Variants in NTN5 observed in about 807,000 individuals in gnomAD.
NTN5 encodes the protein netrin-5.
Under a neutral mutation model 38.7 loss-of-function variants are expected in NTN5, and 42 were observed. The ratio of observed to expected loss-of-function variants is 1.08; its 90% CI spans 0.85 to 1.40. NTN5 has a LOEUF of 1.40. NTN5 is among the 40% of genes most tolerant of loss of function. The pLI, the probability that NTN5 is intolerant of heterozygous loss-of-function variation, is 0.00. For synonymous variants in NTN5, 329 were observed against 303.9 expected (o/e 1.08, Z -0.86); for missense variants, 658 against 716.5 (o/e 0.92, Z 0.93).
intron 2 of NTN5, chr19:48,667,345 C>T (rs751536990): frequency 1.5e-4 from 53 of 365,056 alleles, no homozygotes; most frequent in South Asian, 4.1e-4. Flanking sequence ...GTCTCTTACC[C>T]GGGTTTGGAG....
chr19:48,667,313 T>C, intron 2 of NTN5: 1 of 300,988 alleles, frequency 3.3e-6, no homozygotes, highest in Non-Finnish European at 7.1e-6. Flanking sequence ...CACCCTGACC[T>C]TTCTCCACTG....
Position 48,672,948 on chromosome 19 carries a change from AGC to A in NTN5, c.-39_-38del, listed in dbSNP as rs1240539495. 1.7e-5 allele frequency: 5 copies of A among 289,610 alleles called. No homozygotes were observed. The highest frequency in any genetic ancestry group is 1.1e-4 in the African/African-American group (5 of 44,410). The allele number at this position is 289,610 out of a possible 1,614,324, so 17.9% of individuals were successfully genotyped here. A position where few individuals can be genotyped will look rare whatever the true frequency, so the allele number is the denominator to read the frequency against. On this transcript the variant is annotated 5_prime_UTR_variant, in exon 1 of 7. Transcript: ENST00000270235. ...TGGCCAAACCTGCACTCAAGAAGAG[AGC>A]GTCCTGCAGCCAGTTCCCCGCAGGC... is the stretch of plus-strand genomic sequence containing the variant.
At chr19:48,671,960 G>A (rs1028155085) in intron 1 of NTN5, among the ~76,000 whole-genome samples, 4 of 152,108 alleles carry the variant, frequency 2.6e-5, no homozygotes, top group African/African-American at 9.7e-5. Flanking sequence ...ATCCCCATGG[G>A]GTCAGGGGAA....
chr19:48,671,354 G>A (rs1268973751), intron 1 of NTN5, among the ~76,000 whole-genome samples: 1 of 151,776 alleles, frequency 6.6e-6, no homozygotes, highest in African/African-American at 2.4e-5. Context: ...GGGACACAGA[G>A]ACAAGCAGGG....
chr19:48,667,832 G>A (rs1044544198), intron 2 of NTN5, among the ~76,000 whole-genome samples: 30 of 152,072 alleles, frequency 2.0e-4, no homozygotes, highest in African/African-American at 7.0e-4. Flanking sequence ...CTCCAGCCTG[G>A]GTGACAGAGC....
At chr19:48,669,586 G>GCCACC (rs2031850168) in intron 2 of NTN5, among the ~76,000 whole-genome samples, 1 of 2,868 alleles carries the variant, frequency 3.5e-4, no homozygotes, top group Non-Finnish European at 6.2e-4. Flanking sequence ...TCACCACCAC[G>GCCACC]ACCACCATCA....
At chr19:48,663,606 G>T in intron 5 of NTN5, 63 bp from the exon 6 acceptor site, 1 of 1,562,014 alleles carries the variant, frequency 6.4e-7, no homozygotes, top group South Asian at 1.1e-5. Flanking sequence ...TTCTGCCCCT[G>T]CCCATCCCTC....
Position 48,661,929 on chromosome 19 carries a change from G to A in NTN5, c.1218C>T (p.Asp406=). 7.3e-7 allele frequency: 1 copy of A among 1,368,296 alleles called. No homozygotes were observed. The highest frequency in any genetic ancestry group is 1.6e-5 in the African/African-American group (1 of 64,314). The allele number at this position is 1,368,296 out of a possible 1,614,324, so 84.8% of individuals were successfully genotyped here. The change falls in exon 7 of 7, where the codon GAC becomes GAT. Residue 406 remains aspartate (D), a synonymous_variant. Coordinates refer to ENST00000270235, the MANE Select transcript of NTN5 (RefSeq NM_145807.4). ...CGGCGCGGGGCACCCAGGCGTCCTG[G>A]TCGCCGCGTCGCACGGGCTGCGCCC... ...KQRAQPVRRG[D]QDAWVPRADL... is the part of the protein sequence containing the mutation.
chr19:48,668,254 C>T (rs1268689029), intron 2 of NTN5, among the ~76,000 whole-genome samples: 1 of 152,178 alleles, frequency 6.6e-6, no homozygotes, highest in Non-Finnish European at 1.5e-5. Flanking sequence ...AGTGACCTCT[C>T]TTTGAGCCTC....
rs1274897457 is a variant in NTN5 at position 48,661,891 on chromosome 19, C to A, written c.1256G>T (p.Gly419Val). The change falls in exon 7 of 7, where the codon GGC becomes GTC. Residue 419 changes from glycine to valine, a missense_variant. Physicochemically the swap from Gly to Val is moderately radical, Grantham distance 109. Coordinates refer to ENST00000270235, the MANE Select transcript of NTN5 (RefSeq NM_145807.4). ...GGTGCCTGGCTGCAGGCGCAGGCAG[C>A]CGCAGGTCAGGTCGGCGCGGGGCAC... ...AWVPRADLTC[G>V]CLRLQPGTDY... 1 of 1,352,232 alleles carries A rather than the reference C, an allele frequency of 7.4e-7. No homozygotes were observed. Among genetic ancestry groups the A allele is most frequent in the South Asian group, 1.5e-5 (1 of 64,882 alleles). The allele number at this position is 1,352,232 out of a possible 1,614,324, so 83.8% of individuals were successfully genotyped here.
chr19:48,669,700 T>TCAC lies in NTN5; in HGVS notation c.631+653_631+655dup, dbSNP rs1568452431. Among the ~76,000 whole-genome samples the TCAC allele has an allele frequency of 2.3e-3, 97 of 43,040 alleles. 7 individuals are homozygous for TCAC. Among genetic ancestry groups the TCAC allele is most frequent in the Admixed American group, 0.02 (89 of 4,522 alleles). The allele number at this position is 43,040 out of a possible 152,430, so 28.2% of individuals were successfully genotyped here. A position where few individuals can be genotyped will look rare whatever the true frequency, so the allele number is the denominator to read the frequency against. ...ATCACCACCATCACCACCACCATCATCACCATCACCACCATCACCACCACC... is the reference window on the plus strand; with the variant it reads ...ATCACCACCATCACCACCACCATCATCACCACCATCACCACCATCACCACCACC... On this transcript the variant is annotated intron_variant, in intron 2 of 6. Coordinates refer to ENST00000270235, the MANE Select transcript of NTN5 (RefSeq NM_145807.4).
chr19:48,663,371 T>G, intron 6 of NTN5, 92 bp downstream of exon 6: 33 of 1,091,034 alleles, frequency 3.0e-5, no homozygotes, highest in Non-Finnish European at 4.1e-5. Context: ...CCATTTAAGA[T>G]GAGAAAGTGG....
rs371203167 is a variant in NTN5, at chr19:48,670,927, G to A, written c.60C>T (p.Tyr20=). The A allele has an allele frequency of 8.9e-5, 142 of 1,591,950 alleles. No individual in the cohort carries two copies. Among genetic ancestry groups the A allele is most frequent in the Admixed American group, 1.9e-4 (11 of 58,288 alleles). ...LLGQATADPC[Y]DPQGRPQFCL... is the part of the protein sequence containing the mutation. ...AGAATTGGGGGCGGCCCTGTGGATC[G>A]TAGCATGGGTCCGCAGTGGCCTGGC... The change falls in exon 2 of 7, where the codon TAC becomes TAT. Residue 20 remains tyrosine (Y), a synonymous_variant. Coordinates refer to ENST00000270235, the MANE Select transcript of NTN5 (RefSeq NM_145807.4).
intron 2 of NTN5, 75 bp from the exon 3 acceptor site, chr19:48,664,842 C>A: frequency 7.6e-7 from 1 of 1,309,650 alleles, no homozygotes; most frequent in African/African-American, 1.5e-5. Context: ...CTTCCCATGG[C>A]CCTGCCCTCA....
At chr19:48,666,404 C>A (rs2031704785) in intron 2 of NTN5, among the ~76,000 whole-genome samples, 1 of 151,998 alleles carries the variant, frequency 6.6e-6, no homozygotes, top group African/African-American at 2.4e-5. Flanking sequence ...GCATAGTGGC[C>A]CACACCTGTA....
intron 2 of NTN5, among the ~76,000 whole-genome samples, chr19:48,667,812 C>T (rs1047466496): frequency 4.0e-5 from 6 of 151,810 alleles, no homozygotes; most frequent in South Asian, 2.1e-4. Flanking sequence ...GCCGAGATGG[C>T]GCCACTGCAC....
chr19:48,662,083 C>T (rs2031565381), intron 6 of NTN5, 42 bp from the exon 7 acceptor site: 1 of 1,407,794 alleles, frequency 7.1e-7, no homozygotes, highest in Non-Finnish European at 9.2e-7. Context: ...TGGGGAGCTT[C>T]CAGGGTACCT....
rs1280477926 is a variant in NTN5 at position 48,665,776 on chromosome 19, G to A, written c.632-1009C>T. Among the ~76,000 whole-genome samples, 6 of 149,184 alleles carry A rather than the reference G, an allele frequency of 4.0e-5. No homozygotes were observed. The South Asian group carries it at 6.4e-4, about 16-fold the overall frequency. On this transcript the variant is annotated intron_variant, in intron 2 of 6. Transcript: ENST00000270235. ...GGAGGTTGCAGTGAGCCGAGATCAC[G>A]CCACTGCACTCCAGCCAGGGTGACA... is the stretch of plus-strand genomic sequence containing the variant.
In NTN5 at chr19:48,670,747, C is replaced by T. The variant is rs368754159; in HGVS notation, c.240G>A (p.Leu80=). The T allele has an allele frequency of 1.2e-6, 2 of 1,612,968 alleles. No individual in the cohort carries two copies. The highest frequency in any genetic ancestry group is 8.5e-7 in the Non-Finnish European group (1 of 1,179,918). The change falls in exon 2 of 7, where the codon TTG becomes TTA. Residue 80 remains leucine, a synonymous_variant. Transcript: ENST00000270235. The stretch of plus-strand genomic sequence containing the variant: ...CTGGGGGTCCTGGGGTACAGAAGCG[C>T]AAGCTGACAGATGTCAGGAGGAAGG... ...GGPFLLTSVS[L]RFCTPGPPAL...
Sources: gnomAD v4.1 joint callset for allele counts (sites outside exome capture counted in the v4.1 genomes callset) on GRCh38, gnomAD v4.1.1 for gene constraint, MANE v1.5 for transcripts, NCBI Gene and HGNC (gene_info 2026-07-23, HGNC 2026-07-21) for gene names.